Variants in HLCS observed in about 807,000 individuals in gnomAD.
HLCS encodes the protein biotin--protein ligase.
A neutral mutation model predicts 75.0 loss-of-function variants in HLCS; 53 were observed. That is an observed-to-expected ratio of 0.71 (90% CI 0.57 to 0.89). The LOEUF (loss-of-function observed/expected upper bound fraction) is 0.89. Among genes scored for constraint, HLCS ranks in the 40% least tolerant of loss-of-function variants. HLCS has a pLI of 0.00. For missense variants in HLCS, 966 were observed against 1,074.0 expected (o/e 0.90, Z 1.41); for synonymous variants, 431 against 428.6 (o/e 1.01, Z -0.07).
At chr21:36,827,444 G>A (rs914443259) in intron 6 of HLCS, among the ~76,000 whole-genome samples, 5 of 151,592 alleles carry the variant, frequency 3.3e-5, no homozygotes, top group African/African-American at 1.2e-4. Flanking sequence ...CATGGTGGCA[G>A]ATGCCTGTAA....
chr21:36,883,011 CCAAA>C (rs1341437181), intron 6 of HLCS, among the ~76,000 whole-genome samples: 1 of 151,942 alleles, frequency 6.6e-6, no homozygotes, highest in African/African-American at 2.4e-5. Flanking sequence ...TATGGGAGAG[CCAAA>C]CAAAAAATGA....
intron 6 of HLCS, among the ~76,000 whole-genome samples, chr21:36,883,923 G>A (rs2064337474): frequency 6.6e-6 from 1 of 152,330 alleles, no homozygotes; most frequent in South Asian, 2.1e-4. Context: ...ACACCAAGGA[G>A]GGTGCTGTAA....
At chr21:36,977,647 G>A (rs1425986407) in intron 1 of HLCS, among the ~76,000 whole-genome samples, 3 of 152,220 alleles carry the variant, frequency 2.0e-5, no homozygotes, top group Admixed American at 6.5e-5. Flanking sequence ...CGTTTGTGTA[G>A]TGAAGCAATA....
chr21:36,895,447 G>A (rs956699543), intron 6 of HLCS, among the ~76,000 whole-genome samples: 2 of 152,062 alleles, frequency 1.3e-5, no homozygotes, highest in African/African-American at 4.8e-5. Context: ...GTTAAGAAGC[G>A]CTGAAAAATG....
At chr21:36,970,993 CAAAA>C (rs58741965), upstream of HLCS, among the ~76,000 whole-genome samples, 1,082 of 92,760 alleles carry the variant, frequency 0.012, 15 homozygotes, top group African/African-American at 0.037. Flanking sequence ...GACTCCATCT[CAAAA>C]AAAAAAAAAG....
At chr21:36,932,285 C>T (rs2066682285) in intron 4 of HLCS, among the ~76,000 whole-genome samples, 3 of 152,148 alleles carry the variant, frequency 2.0e-5, no homozygotes, top group African/African-American at 7.2e-5. Context: ...TGGGAACTGA[C>T]TTCTTGTTTA....
At chr21:36,926,909 AT>A (rs2066433674) in intron 5 of HLCS, among the ~76,000 whole-genome samples, 1 of 151,954 alleles carries the variant, frequency 6.6e-6, no homozygotes, top group South Asian at 2.1e-4. Flanking sequence ...TGCCTGGCTA[AT>A]TTTTGTATCT....
chr21:36,785,022 C>T (rs76103036), intron 6 of HLCS, among the ~76,000 whole-genome samples: 1,597 of 152,250 alleles, frequency 0.01, 30 homozygotes, highest in African/African-American at 0.037. Context: ...CAGCTCCACC[C>T]GGCCACTTGG....
At chr21:36,858,970 G>C (rs2063294194) in intron 6 of HLCS, among the ~76,000 whole-genome samples, 1 of 152,138 alleles carries the variant, frequency 6.6e-6, no homozygotes. Flanking sequence ...TCATCTACAG[G>C]CTACACCTCT....
chr21:36,809,516 C>A (rs934207232), intron 6 of HLCS, among the ~76,000 whole-genome samples: 6 of 151,980 alleles, frequency 3.9e-5, no homozygotes, highest in Non-Finnish European at 8.8e-5. Context: ...GCTATTATTT[C>A]TTCTACTATT....
In HLCS at chr21:36,749,765, G is replaced by A. The variant is rs1014442051; in HGVS notation, c.*4481C>T. 2.6e-5 allele frequency: 4 copies of A among 152,200 alleles called. No individual in the cohort carries two copies. Among genetic ancestry groups the A allele is most frequent in the Admixed American group, 6.5e-5 (1 of 15,288 alleles). 9.4% of individuals were successfully genotyped at this position (152,200 alleles called of 1,614,324 possible). ...GGTTTGATTACTAGGAGATACCACC[G>A]ACATTTTTCAATAAAGTACTGCAAA... On this transcript the variant is annotated 3_prime_UTR_variant, in exon 11 of 11. Coordinates refer to ENST00000674895, the MANE Select transcript of HLCS (RefSeq NM_001352514.2).
At chr21:36,871,205 C>T (rs1443600414) in intron 6 of HLCS, among the ~76,000 whole-genome samples, 1 of 152,042 alleles carries the variant, frequency 6.6e-6, no homozygotes, top group Non-Finnish European at 1.5e-5. Context: ...AAAATATTTT[C>T]ACTAGGGGCA....
intron 6 of HLCS, among the ~76,000 whole-genome samples, chr21:36,833,871 G>A (rs1283153514): frequency 6.6e-6 from 1 of 152,172 alleles, no homozygotes; most frequent in Non-Finnish European, 1.5e-5. Flanking sequence ...ATGGACGTGA[G>A]TTTTGGGAAG....
intron 2 of HLCS, among the ~76,000 whole-genome samples, chr21:36,945,843 T>A (rs1412167325): frequency 6.6e-6 from 1 of 151,984 alleles, no homozygotes; most frequent in Non-Finnish European, 1.5e-5. Flanking sequence ...AAGAAAAGAG[T>A]CCAGGCAGTT....
chr21:36,904,759 C>T (rs543024067), intron 5 of HLCS, among the ~76,000 whole-genome samples: 1 of 152,262 alleles, frequency 6.6e-6, no homozygotes, highest in South Asian at 2.1e-4. Context: ...CTCAAATGCA[C>T]TCAAATTATG....
intron 3 of HLCS, among the ~76,000 whole-genome samples, chr21:36,938,215 T>C (rs1276004674): frequency 6.6e-6 from 1 of 152,200 alleles, no homozygotes; most frequent in Admixed American, 6.5e-5. Context: ...AGAACTGTAG[T>C]CTAGACACTA....
chr21:36,827,194 G>A (rs1161312945), intron 6 of HLCS, among the ~76,000 whole-genome samples: 1 of 152,166 alleles, frequency 6.6e-6, no homozygotes, highest in African/African-American at 2.4e-5. Context: ...AAAAAAGGAT[G>A]AGGAGTGTAA....
chr21:36,919,049 C>T (rs2066050026), intron 5 of HLCS, among the ~76,000 whole-genome samples: 1 of 152,090 alleles, frequency 6.6e-6, no homozygotes, highest in African/African-American at 2.4e-5. Context: ...AAACAGAGCT[C>T]GCATCTTTCA....
intron 6 of HLCS, among the ~76,000 whole-genome samples, chr21:36,851,619 G>A (rs1210271986): frequency 6.6e-6 from 1 of 152,118 alleles, no homozygotes; most frequent in Non-Finnish European, 1.5e-5. Flanking sequence ...TAGCACAACA[G>A]GGTGACTACA....
Sources: allele counts gnomAD v4.1 joint callset (sites outside exome capture counted in the v4.1 genomes callset), GRCh38; gene constraint gnomAD v4.1.1; transcripts MANE v1.5; gene names NCBI Gene and HGNC (gene_info 2026-07-23, HGNC 2026-07-21).